AGO1: variants seen among roughly 807,000 people sequenced by gnomAD.
AGO1 encodes the protein protein argonaute-1.
In AGO1, 11 loss-of-function variants were observed where a neutral mutation model predicts 109.2. That is an observed-to-expected ratio of 0.10 (90% CI 0.06 to 0.17). The LOEUF (loss-of-function observed/expected upper bound fraction) is 0.17, where lower values mean the gene tolerates loss of function less well. Ranked by LOEUF, AGO1 falls within the 10% of genes least tolerant of loss-of-function variation. The pLI is 1.00. For missense variants in AGO1, 574 were observed against 1,140.3 expected, an observed-to-expected ratio of 0.50 and a Z score of 7.15; for synonymous variants, 422 against 418.6, an observed-to-expected ratio of 1.01 and a Z score of -0.10.
At chr1:35,896,418 G>A (rs1645320527) in intron 8 of AGO1, among the ~76,000 whole-genome samples, 1 of 151,588 alleles carries the variant, frequency 6.6e-6, no homozygotes, top group Admixed American at 6.6e-5. Context: ...GGAGTGCAGT[G>A]GCACCATCTC....
At chr1:35,899,151 C>T (rs74713144) in intron 8 of AGO1, among the ~76,000 whole-genome samples, 2,092 of 152,302 alleles carry the variant, frequency 0.014, 60 homozygotes, top group African/African-American at 0.047. Context: ...TATTTGTCCT[C>T]TTTTGACTGG....
chr1:35,893,208 G>T lies in AGO1; in HGVS notation c.442G>T (p.Gly148Cys). Reference sequence around the variant, plus strand: ...AATGCTGCATGAGGCCCTGGTCAGCGGCCAGATCCCTGTTCCCTTGGAGTC... The same window carrying T: ...AATGCTGCATGAGGCCCTGGTCAGCTGCCAGATCCCTGTTCCCTTGGAGTC... ...WRMLHEALVS[G>C]QIPVPLESVQ... The change falls in exon 4 of 19, where the codon GGC (glycine) becomes TGC (cysteine). Residue 148 changes from glycine (G) to cysteine (C), a missense_variant. By Grantham distance (159) the Gly-to-Cys change is radical. Transcript: ENST00000373204. This position sits in a 1 kb window ranked among gnomAD's most constrained non-coding sequence, Gnocchi z 5.6. 6 of 1,614,074 alleles carry T rather than the reference G, an allele frequency of 3.7e-6. No individual in the cohort carries two copies. The highest frequency in any genetic ancestry group is 5.1e-6 in the Non-Finnish European group (6 of 1,180,000).
intron 11 of AGO1, among the ~76,000 whole-genome samples, chr1:35,906,644 A>T (rs545896920): frequency 2.8e-4 from 42 of 151,990 alleles, no homozygotes; most frequent in African/African-American, 9.9e-4. Context: ...TCCCATCTCT[A>T]CCAAAAAGAA....
In AGO1 at chr1:35,906,929, G is replaced by A. The variant is rs886392549; in HGVS notation, c.1398-6G>A. On this transcript the variant is annotated splice_polypyrimidine_tract_variant and splice_region_variant and intron_variant, in intron 11 of 18. Coordinates refer to ENST00000373204, the MANE Select transcript of AGO1 (RefSeq NM_012199.5). ...CTGCCTCCTTTGTGACCATGCGTGT[G>A]TACAGGAACTTCACAGACCAGCTGC... 6.2e-7 allele frequency: 1 copy of A among 1,608,316 alleles called. No homozygotes were observed. The highest frequency in any genetic ancestry group is 8.5e-7 in the Non-Finnish European group (1 of 1,176,650).
At position 35,883,463 on chromosome 1, in the gene AGO1, G is replaced by A. The variant is rs752999758; in HGVS notation, c.25+17G>A. 6.4e-7 allele frequency: 1 copy of A among 1,552,344 alleles called. No individual in the cohort carries two copies. The highest frequency in any genetic ancestry group is 1.2e-5 in the South Asian group (1 of 83,726). Reference sequence around the variant, plus strand: ...CGGGAGCAGGTAAGGGTCCCCAGGAGGGGGAACGGTGCATGCTCCAAGGAC... The same window carrying A: ...CGGGAGCAGGTAAGGGTCCCCAGGAAGGGGAACGGTGCATGCTCCAAGGAC... On this transcript the variant is annotated intron_variant, in intron 1 of 18. Transcript: ENST00000373204. This position sits in a 1 kb window ranked among gnomAD's most constrained non-coding sequence, Gnocchi z 5.4.
intron 1 of AGO1, among the ~76,000 whole-genome samples, chr1:35,871,410 G>A (rs1174329299): frequency 6.6e-6 from 1 of 151,714 alleles, no homozygotes; most frequent in Non-Finnish European, 1.5e-5. Context: ...GGGTATGGTG[G>A]CGCACACTTG....
At position 35,893,136 on chromosome 1, in the gene AGO1, C is replaced by G. The variant is rs1327559774; in HGVS notation, c.370C>G (p.Arg124Gly). ...GACAATCCCTGGGGAAGGGAAGGAT[C>G]GAATCTTTAAGGTCTCCATCAAGTG... ...EVTIPGEGKD[R>G]IFKVSIKWLA... Residue 124 changes from arginine to glycine, a missense_variant, in exon 4 of 19, where the codon CGA (arginine) becomes GGA (glycine). This residue lies in a region of AGO1 where 129 missense variants were observed against 243.0 expected (regional missense o/e 0.53). Transcript: ENST00000373204. This position sits in a 1 kb window ranked among gnomAD's most constrained non-coding sequence, Gnocchi z 5.6. The G allele has an allele frequency of 2.5e-6, 4 of 1,613,942 alleles. No homozygotes were observed. The highest frequency in any genetic ancestry group is 1.1e-5 in the South Asian group (1 of 91,064).
Position 35,888,936 on chromosome 1 carries a change from G to T in AGO1, c.209+326G>T, listed in dbSNP as rs1242853389. Among the ~76,000 whole-genome samples, 1 of 152,144 alleles carries T rather than the reference G, an allele frequency of 6.6e-6. No individual in the cohort carries two copies. The highest frequency in any genetic ancestry group is 2.4e-5 in the African/African-American group (1 of 41,412). ...AAAGAGTTTTAAAGAATGAGATATG[G>T]GTATGTTTACAGATTAAGGAGAAGG... is the stretch of plus-strand genomic sequence containing the variant. On this transcript the variant is annotated intron_variant, in intron 2 of 18. Transcript: ENST00000373204. The surrounding 1 kb of genome is among the most constrained non-coding windows in gnomAD (Gnocchi z 4.1).
At position 35,893,388 on chromosome 1, in the gene AGO1, A is replaced by C. The variant is rs569011769; in HGVS notation, c.512+110A>C. 3 of 1,210,696 alleles carry C rather than the reference A, an allele frequency of 2.5e-6. No homozygotes were observed. The East Asian group carries it at 7.2e-5, about 29-fold the overall frequency. The allele number at this position is 1,210,696 out of a possible 1,614,324, so 75.0% of individuals were successfully genotyped here. A position where few individuals can be genotyped will look rare whatever the true frequency, so the allele number is the denominator to read the frequency against. The stretch of plus-strand genomic sequence containing the variant: ...CAGAGTGCCATTAAAAAAAAAAATT[A>C]TTTGAAGCCCTACCACTTGCCAGGC... On this transcript the variant is annotated intron_variant, in intron 4 of 18. Transcript: ENST00000373204. The surrounding 1 kb of genome is among the most constrained non-coding windows in gnomAD (Gnocchi z 5.6).
chr1:35,914,272 G>T lies in AGO1; in HGVS notation c.1831G>T (p.Ala611Ser). Residue 611 changes from alanine (A) to serine (S), a missense_variant and splice_region_variant, in exon 14 of 19, where the codon GCA becomes TCA. Transcript: ENST00000373204. ...GGATGGGAAAAAACCTTCTATCACA[G>T]CAGTGAGTGATATTCTGTAGCTGCC... ...AGDGKKPSIT[A>S]VVGSMDAHPS... is the part of the protein sequence containing the mutation. The T allele has an allele frequency of 6.2e-7, 1 of 1,613,128 alleles. No homozygotes were observed. Among genetic ancestry groups the T allele is most frequent in the East Asian group, 2.2e-5 (1 of 44,872 alleles).
chr1:35,907,125 G>C lies in AGO1; in HGVS notation c.1582+6G>C. 2 of 1,607,162 alleles carry C rather than the reference G, an allele frequency of 1.2e-6. No homozygotes were observed. Among genetic ancestry groups the C allele is most frequent in the Middle Eastern group, 1.7e-4 (1 of 6,030 alleles). ...AGGGAAGACGCCGGTGTATGGTACA[G>C]TTCTCTTGGGACAGTGATAATGGTG... On this transcript the variant is annotated splice_donor_region_variant and intron_variant, in intron 12 of 18. Transcript: ENST00000373204.
chr1:35,891,111 A>G (rs975384706), intron 2 of AGO1, among the ~76,000 whole-genome samples: 1 of 152,236 alleles, frequency 6.6e-6, no homozygotes, highest in Non-Finnish European at 1.5e-5. Context: ...TACATAGTCT[A>G]CATAGTGTAG....
At chr1:35,900,070 G>A (rs903356369) in intron 8 of AGO1, among the ~76,000 whole-genome samples, 9 of 152,152 alleles carry the variant, frequency 5.9e-5, no homozygotes, top group Admixed American at 5.2e-4. Flanking sequence ...TATGATCTCT[G>A]TTGTTTTCTG....
At chr1:35,916,920 C>T (rs555924766) in intron 15 of AGO1, among the ~76,000 whole-genome samples, 2 of 152,298 alleles carry the variant, frequency 1.3e-5, no homozygotes, top group East Asian at 3.9e-4. Context: ...GAAAATGAGA[C>T]TTAGTGGAGT....
chr1:35,919,649 C>G lies in AGO1; in HGVS notation c.*42C>G. 6.3e-7 allele frequency: 1 copy of G among 1,576,006 alleles called. No individual in the cohort carries two copies. The highest frequency in any genetic ancestry group is 8.7e-7 in the Non-Finnish European group (1 of 1,154,444). On this transcript the variant is annotated 3_prime_UTR_variant, in exon 19 of 19. Coordinates refer to ENST00000373204, the MANE Select transcript of AGO1 (RefSeq NM_012199.5). The surrounding 1 kb of genome is among the most constrained non-coding windows in gnomAD (Gnocchi z 6.6). ...CCTCACTGGATAGAAGAAAGCTTTC[C>G]AAGCCCCAGGAGCTGTGCCACCCAA...
chr1:35,913,149 A>G (rs1215867326), intron 12 of AGO1, among the ~76,000 whole-genome samples: 1 of 151,274 alleles, frequency 6.6e-6, no homozygotes, highest in Non-Finnish European at 1.5e-5. Context: ...CCTCCCAAGT[A>G]GCTGGGACTA....
chr1:35,872,187 CTT>C (rs541463659), intron 1 of AGO1, among the ~76,000 whole-genome samples: 91 of 133,034 alleles, frequency 6.8e-4, no homozygotes, highest in African/African-American at 2.1e-3. Flanking sequence ...GACTCAATTT[CTT>C]TTTTTTTTTT....
intron 1 of AGO1, among the ~76,000 whole-genome samples, chr1:35,875,805 G>A (rs1644988169): frequency 6.6e-6 from 1 of 152,180 alleles, no homozygotes; most frequent in African/African-American, 2.4e-5. Context: ...AGTGCACCTG[G>A]TCACCCAAGA....
At position 35,919,560 on chromosome 1, in the gene AGO1, G is replaced by T; in HGVS notation, c.2527G>T (p.Ala843Ser). Residue 843 changes from alanine to serine, a missense_variant, in exon 19 of 19, where the codon GCC becomes TCC. By Grantham distance (99) the Ala-to-Ser change is moderately conservative. Coordinates refer to ENST00000373204, the MANE Select transcript of AGO1 (RefSeq NM_012199.5). The surrounding 1 kb of genome is among the most constrained non-coding windows in gnomAD (Gnocchi z 6.6). ...NGRDPQALAKAVQVHQDTLRT... is the reference protein window; with the variant it reads ...NGRDPQALAKSVQVHQDTLRT... Reference sequence around the variant, plus strand: ...GCGGGACCCCCAGGCCCTGGCCAAAGCCGTGCAGGTTCACCAGGATACTCT... The same window carrying T: ...GCGGGACCCCCAGGCCCTGGCCAAATCCGTGCAGGTTCACCAGGATACTCT... 6.2e-7 allele frequency: 1 copy of T among 1,614,174 alleles called. No homozygotes were observed. Among genetic ancestry groups the T allele is most frequent in the Non-Finnish European group, 8.5e-7 (1 of 1,180,024 alleles).
Sources: allele counts gnomAD v4.1 joint callset (sites outside exome capture counted in the v4.1 genomes callset), GRCh38; gene constraint gnomAD v4.1.1; regional missense constraint gnomAD v4.1.1; non-coding constraint Gnocchi (gnomAD v3.1); transcripts MANE v1.5; gene names NCBI Gene and HGNC (gene_info 2026-07-23, HGNC 2026-07-21).